The following IQCJ variants were observed in gnomAD, a reference collection of about 807,000 sequenced individuals.
IQCJ encodes the protein IQ motif containing J.
Under a neutral mutation model 11.0 loss-of-function variants are expected in IQCJ, and 9 were observed. That is an observed-to-expected ratio of 0.82 (90% CI 0.49 to 1.43). The LOEUF (loss-of-function observed/expected upper bound fraction) is 1.43, where lower values mean the gene tolerates loss of function less well. IQCJ is among the 40% of genes most tolerant of loss of function. IQCJ has a pLI of 0.00. For missense variants in IQCJ, 146 were observed against 133.2 expected, an observed-to-expected ratio of 1.10 and a Z score of -0.47; for synonymous variants, 55 against 51.3, an observed-to-expected ratio of 1.07 and a Z score of -0.31.
rs79149649 is a variant in IQCJ at position 159,235,432 on chromosome 3, A to G, written c.10-10411A>G. Among the ~76,000 whole-genome samples the G allele has an allele frequency of 6.6e-5, 10 of 152,312 alleles. No homozygotes were observed. The East Asian group carries it at 1.4e-3, about 21-fold the overall frequency. On this transcript the variant is annotated intron_variant, in intron 1 of 3. Transcript: ENST00000397832. ...TAAAACTAGCAAAAGTTTTGAGACC[A>G]TGTACTACTTATGGAAAGGAGAGGG...
At chr3:159,087,530 T>A (rs1184956277) in intron 1 of IQCJ, among the ~76,000 whole-genome samples, 1 of 152,028 alleles carries the variant, frequency 6.6e-6, no homozygotes. Flanking sequence ...AAAATTCAGC[T>A]GTGAATCCAT....
intron 1 of IQCJ, among the ~76,000 whole-genome samples, chr3:159,143,767 C>T (rs138222383): frequency 2.0e-5 from 3 of 152,246 alleles, no homozygotes; most frequent in East Asian, 1.9e-4. Flanking sequence ...CCAGGAGGTA[C>T]GTCTTAGTCC....
intron 1 of IQCJ, among the ~76,000 whole-genome samples, chr3:159,101,308 A>C (rs1019158101): frequency 3.3e-5 from 5 of 151,474 alleles, no homozygotes; most frequent in African/African-American, 1.2e-4. Context: ...CTCAGATGGA[A>C]ATGCAGAAAT....
intron 1 of IQCJ, among the ~76,000 whole-genome samples, chr3:159,153,797 G>A (rs1247441203): frequency 6.6e-6 from 1 of 152,118 alleles, no homozygotes; most frequent in African/African-American, 2.4e-5. Flanking sequence ...AATGTATATG[G>A]GGCTGAGTAT....
chr3:159,240,403 T>C (rs1486715973), intron 1 of IQCJ, among the ~76,000 whole-genome samples: 1 of 152,200 alleles, frequency 6.6e-6, no homozygotes, highest in Non-Finnish European at 1.5e-5. Context: ...AAAAGAATCC[T>C]TGTGGCAATT....
At chr3:159,209,685 A>G (rs1305034331) in intron 1 of IQCJ, among the ~76,000 whole-genome samples, 2 of 152,054 alleles carry the variant, frequency 1.3e-5, no homozygotes, top group Non-Finnish European at 2.9e-5. Context: ...CACTTACCAC[A>G]GCTCCTGCAC....
At chr3:159,104,100 T>G (rs1718098322) in intron 1 of IQCJ, among the ~76,000 whole-genome samples, 1 of 152,196 alleles carries the variant, frequency 6.6e-6, no homozygotes, top group Admixed American at 6.5e-5. Context: ...TGTGGCCTCA[T>G]GGGGATATCA....
intron 1 of IQCJ, among the ~76,000 whole-genome samples, chr3:159,183,192 G>T (rs1448296847): frequency 6.6e-6 from 1 of 152,082 alleles, no homozygotes; most frequent in Non-Finnish European, 1.5e-5. Flanking sequence ...AGTTAGAAAA[G>T]GATGAAAGGA....
chr3:159,252,019 G>C (rs563224906), intron 2 of IQCJ, among the ~76,000 whole-genome samples: 1 of 151,766 alleles, frequency 6.6e-6, no homozygotes, highest in African/African-American at 2.4e-5. Context: ...CATCCACTTC[G>C]ACCAAATTTC....
intron 1 of IQCJ, among the ~76,000 whole-genome samples, chr3:159,167,921 G>C (rs1282794061): frequency 6.6e-6 from 1 of 152,228 alleles, no homozygotes; most frequent in African/African-American, 2.4e-5. Flanking sequence ...ACTATTCTTT[G>C]TCACTTCTTT....
intron 1 of IQCJ, among the ~76,000 whole-genome samples, chr3:159,169,021 G>A (rs1161291785): frequency 2.0e-5 from 3 of 151,782 alleles, no homozygotes; most frequent in Non-Finnish European, 4.4e-5. Context: ...ATTTATTTTA[G>A]CACATACTCT....
chr3:159,160,830 A>G (rs901449169), intron 1 of IQCJ, among the ~76,000 whole-genome samples: 15 of 151,834 alleles, frequency 9.9e-5, no homozygotes, highest in African/African-American at 1.7e-4. Context: ...ATGATTTCCA[A>G]TTTCATCCGT....
chr3:159,230,755 A>G (rs2108150926), intron 1 of IQCJ, among the ~76,000 whole-genome samples: 1 of 152,374 alleles, frequency 6.6e-6, no homozygotes, highest in South Asian at 2.1e-4. Context: ...ATACTATTAC[A>G]TACTTTCTAG....
chr3:159,080,438 C>T (rs1442301510), intron 1 of IQCJ, among the ~76,000 whole-genome samples: 1 of 152,094 alleles, frequency 6.6e-6, no homozygotes, highest in Non-Finnish European at 1.5e-5. Context: ...CTAGGCTTCA[C>T]AGTAGAAACA....
chr3:159,184,852 T>G (rs1012652587), intron 1 of IQCJ, among the ~76,000 whole-genome samples: 2 of 152,174 alleles, frequency 1.3e-5, no homozygotes, highest in Admixed American at 1.3e-4. Context: ...TTTACTAAAT[T>G]TAAGAGGGCT....
chr3:159,115,869 T>G (rs1055338130), intron 1 of IQCJ, among the ~76,000 whole-genome samples: 1 of 152,040 alleles, frequency 6.6e-6, no homozygotes, highest in Non-Finnish European at 1.5e-5. Flanking sequence ...TGAGAACACA[T>G]GGACACTGCT....
At chr3:159,077,393 A>G (rs954269886) in intron 1 of IQCJ, among the ~76,000 whole-genome samples, 14 of 152,140 alleles carry the variant, frequency 9.2e-5, no homozygotes, top group Admixed American at 4.6e-4. Context: ...GAGCAAAGAC[A>G]TGTGGTGAAG....
At chr3:159,244,384 TC>T (rs1727118705) in intron 1 of IQCJ, among the ~76,000 whole-genome samples, 1 of 152,086 alleles carries the variant, frequency 6.6e-6, no homozygotes, top group Non-Finnish European at 1.5e-5. Context: ...CCACTCAACC[TC>T]CACACCATGT....
intron 1 of IQCJ, among the ~76,000 whole-genome samples, chr3:159,213,067 C>G (rs1355236972): frequency 6.6e-6 from 1 of 152,174 alleles, no homozygotes; most frequent in Admixed American, 6.5e-5. Flanking sequence ...CACACTGCTG[C>G]TCCTCAGACC....
Sources: allele counts gnomAD v4.1 joint callset (sites outside exome capture counted in the v4.1 genomes callset), GRCh38; gene constraint gnomAD v4.1.1; transcripts MANE v1.5; gene names NCBI Gene and HGNC (gene_info 2026-07-23, HGNC 2026-07-21).